The following MICAL3 variants were observed in gnomAD, a reference collection of about 807,000 sequenced individuals.
MICAL3 encodes the protein microtubule associated monooxygenase, calponin and LIM domain containing 3, also known as [F-actin]-monooxygenase MICAL3.
MICAL3 carries 62 observed loss-of-function variants against 207.4 expected under a neutral mutation model. That is an observed-to-expected ratio of 0.30 (90% CI 0.24 to 0.37). The LOEUF is 0.37. MICAL3 is among the 10% of genes least tolerant of loss of function. The pLI is 1.00. For missense variants in MICAL3, 2,368 were observed against 2,635.6 expected, an observed-to-expected ratio of 0.90 and a Z score of 2.22; for synonymous variants, 1,077 against 1,069.3, an observed-to-expected ratio of 1.01 and a Z score of -0.14.
At chr22:17,798,313 G>A (rs534319236) in intron 29 of MICAL3, among the ~76,000 whole-genome samples, 5 of 152,288 alleles carry the variant, frequency 3.3e-5, no homozygotes, top group Admixed American at 6.5e-5. Flanking sequence ...TGTGTTTCAC[G>A]CACACAGAAA....
Position 17,891,623 on chromosome 22 carries a change from G to A in MICAL3, c.1556C>T (p.Ala519Val). ...TPKLTRNESV[A>V]RSSKLLGWCQ... Reference sequence around the variant, plus strand: ...CCAACCCAGCAGTTTGCTTGAACGAGCTACAGACTCTAAAACAACAAAACA... The same window carrying A: ...CCAACCCAGCAGTTTGCTTGAACGAACTACAGACTCTAAAACAACAAAACA... The change falls in exon 12 of 32, where the codon GCT becomes GTT. Residue 519 changes from alanine to valine, a missense_variant. This residue lies in a region of MICAL3 where 147 missense variants were observed against 137.7 expected (regional missense o/e 1.07). Transcript: ENST00000441493. 5 of 1,613,910 alleles carry A rather than the reference G, an allele frequency of 3.1e-6. No homozygotes were observed. The highest frequency in any genetic ancestry group is 4.2e-6 in the Non-Finnish European group (5 of 1,179,848).
chr22:18,005,987 G>A (rs1270298153), intron 1 of MICAL3: 2 of 152,294 alleles, frequency 1.3e-5, no homozygotes, highest in East Asian at 3.9e-4. Context: ...GCCTGAACAA[G>A]GTGATTGTGA....
At chr22:17,799,922 C>T (rs934713319) in intron 29 of MICAL3, among the ~76,000 whole-genome samples, 1 of 150,364 alleles carries the variant, frequency 6.7e-6, no homozygotes, top group African/African-American at 2.5e-5. Flanking sequence ...CACACACACA[C>T]ACGCGCGCTG....
At chr22:17,929,767 C>T (rs956181901) in intron 1 of MICAL3, among the ~76,000 whole-genome samples, 1 of 152,058 alleles carries the variant, frequency 6.6e-6, no homozygotes, top group African/African-American at 2.4e-5. Flanking sequence ...CAGGGTTTCA[C>T]CTGATGCCCA....
intron 22 of MICAL3, among the ~76,000 whole-genome samples, chr22:17,825,343 G>C (rs1372172549): frequency 2.0e-5 from 3 of 152,314 alleles, no homozygotes; most frequent in East Asian, 3.9e-4. Flanking sequence ...ATCTGGGGGT[G>C]AAATTCAGGT....
At chr22:17,853,953 C>T (rs190917463) in intron 19 of MICAL3, among the ~76,000 whole-genome samples, 2 of 152,304 alleles carry the variant, frequency 1.3e-5, no homozygotes, top group South Asian at 2.1e-4. Context: ...AGTGTGTTCA[C>T]GGTTTTGTGG....
At chr22:17,887,060 T>C in intron 15 of MICAL3, 110 bp downstream of exon 15, 1 of 378,226 alleles carries the variant, frequency 2.6e-6, no homozygotes, top group Non-Finnish European at 4.8e-6. Context: ...GAAATTCTCA[T>C]AAAGGATGAA....
intron 3 of MICAL3, 138 bp downstream of exon 3, chr22:17,904,490 CACTT>C (rs985098654): frequency 1.7e-5 from 12 of 696,762 alleles, no homozygotes; most frequent in African/African-American, 3.5e-5. Flanking sequence ...AAGATGAGTG[CACTT>C]ACTATAAGAA....
At chr22:17,997,445 C>T (rs1330352578) in intron 1 of MICAL3, among the ~76,000 whole-genome samples, 1 of 152,092 alleles carries the variant, frequency 6.6e-6, no homozygotes, top group African/African-American at 2.4e-5. Flanking sequence ...AGTAATGACC[C>T]CCCACCTGGC....
In MICAL3 at chr22:17,796,553, C is replaced by T. The variant is rs925193487; in HGVS notation, c.5651-5252G>A. On this transcript the variant is annotated intron_variant, in intron 29 of 31. Transcript: ENST00000441493. The surrounding 1 kb of genome is among the most constrained non-coding windows in gnomAD (Gnocchi z 4.4). ...TGGAAAAGAAGCCAAATCTTCTTGC[C>T]CACTCTGAACTCAGAGCTTTCCCTC... 6.6e-6 allele frequency among the ~76,000 whole-genome samples: 1 copy of T among 152,214 alleles called. No individual in the cohort carries two copies. Among genetic ancestry groups the T allele is most frequent in the African/African-American group, 2.4e-5 (1 of 41,444 alleles).
chr22:17,853,871 T>G (rs1203868576), intron 19 of MICAL3, among the ~76,000 whole-genome samples: 2 of 152,218 alleles, frequency 1.3e-5, no homozygotes, highest in Non-Finnish European at 2.9e-5. Flanking sequence ...TAAAATGATC[T>G]GCACCCGCCC....
chr22:17,915,154 G>A (rs1303834839), intron 1 of MICAL3, among the ~76,000 whole-genome samples: 4 of 152,128 alleles, frequency 2.6e-5, no homozygotes, highest in Admixed American at 6.5e-5. Flanking sequence ...CTATAACGTC[G>A]GTGCAGAAGT....
intron 7 of MICAL3, 47 bp from the exon 8 acceptor site, chr22:17,897,028 T>C: frequency 1.3e-6 from 2 of 1,562,926 alleles, no homozygotes; most frequent in South Asian, 2.4e-5. Context: ...GCTCTGGCAC[T>C]CAGCCAGAAC....
At chr22:18,018,673 G>A (rs923933717) in intron 1 of MICAL3, among the ~76,000 whole-genome samples, 7 of 152,082 alleles carry the variant, frequency 4.6e-5, no homozygotes, top group African/African-American at 9.7e-5. Context: ...AGTGAGTCAA[G>A]ATTGTACCAC....
chr22:17,894,454 G>T (rs1416736595), intron 10 of MICAL3, among the ~76,000 whole-genome samples: 1 of 151,228 alleles, frequency 6.6e-6, no homozygotes, highest in East Asian at 1.9e-4. Flanking sequence ...GGTCATGGAG[G>T]TCCCTCTAAG....
intron 1 of MICAL3, among the ~76,000 whole-genome samples, chr22:17,921,854 G>A (rs1380599412): frequency 6.6e-6 from 1 of 152,124 alleles, no homozygotes; most frequent in Non-Finnish European, 1.5e-5. Context: ...TCTTTTGTAA[G>A]GGCCAATGTG....
rs1201823609 is a variant in MICAL3 at position 17,818,579 on chromosome 22, A to G, written c.4082T>C (p.Val1361Ala). Residue 1361 changes from valine (V) to alanine (A), a missense_variant, in exon 26 of 32, where the codon GTG (valine) becomes GCG (alanine). Coordinates refer to ENST00000441493, the MANE Select transcript of MICAL3 (RefSeq NM_015241.3). Reference sequence around the variant, plus strand: ...TTCAACGGAATAGGATTTGAGGGACACTGGCCTGAAGGCAGGCGTGGGGAA... The same window carrying G: ...TTCAACGGAATAGGATTTGAGGGACGCTGGCCTGAAGGCAGGCGTGGGGAA... ...PSFPTPAFRP[V>A]SLKSYSVEKS... is the part of the protein sequence containing the mutation. 2 of 1,613,672 alleles carry G rather than the reference A, an allele frequency of 1.2e-6. No individual in the cohort carries two copies.
chr22:18,000,017 C>G, intron 1 of MICAL3, among the ~76,000 whole-genome samples: 1 of 152,176 alleles, frequency 6.6e-6, no homozygotes, highest in East Asian at 1.9e-4. Context: ...AAGGTAACCA[C>G]AATGAACTGG....
intron 19 of MICAL3, chr22:17,858,577 T>G (rs1345917174): frequency 1.9e-6 from 1 of 519,932 alleles, no homozygotes; most frequent in Non-Finnish European, 2.5e-6. Flanking sequence ...CCTGCCCTAT[T>G]TTTTAGCATG....
Sources: gnomAD v4.1 joint callset for allele counts (sites outside exome capture counted in the v4.1 genomes callset) on GRCh38, gnomAD v4.1.1 for gene constraint, gnomAD v4.1.1 regional missense constraint, Gnocchi (gnomAD v3.1) non-coding constraint, MANE v1.5 for transcripts, NCBI Gene and HGNC (gene_info 2026-07-23, HGNC 2026-07-21) for gene names.